The following ILDR2 variants were observed in gnomAD, a reference collection of about 807,000 sequenced individuals.
ILDR2 encodes the protein immunoglobulin-like domain-containing receptor 2.
In ILDR2, 25 loss-of-function variants were observed where a neutral mutation model predicts 66.8. The observed-to-expected ratio is 0.37, with a 90% CI of 0.27 to 0.52. The LOEUF is 0.52. Ranked by LOEUF, ILDR2 falls within the 20% of genes least tolerant of loss-of-function variation. The pLI is 0.88. For missense variants in ILDR2, 827 were observed against 876.8 expected, an observed-to-expected ratio of 0.94 and a Z score of 0.72; for synonymous variants, 367 against 357.2, an observed-to-expected ratio of 1.03 and a Z score of -0.31.
chr1:166,965,761 G>A (rs1255034664), intron 1 of ILDR2, among the ~76,000 whole-genome samples: 1 of 150,598 alleles, frequency 6.6e-6, no homozygotes, highest in African/African-American at 2.4e-5. Context: ...TTTTAGTAGA[G>A]GTGGGGTTTC....
chr1:166,945,029 G>C (rs180824186), intron 3 of ILDR2, among the ~76,000 whole-genome samples: 1 of 152,082 alleles, frequency 6.6e-6, no homozygotes, highest in East Asian at 1.9e-4. Context: ...CAATATGCAG[G>C]GTTTCTAGCT....
In ILDR2 at chr1:166,921,507, C is replaced by A; in HGVS notation, c.1212-128G>T. The A allele has an allele frequency of 1.3e-6, 1 of 753,074 alleles. No individual in the cohort carries two copies. Among genetic ancestry groups the A allele is most frequent in the Non-Finnish European group, 2.1e-6 (1 of 482,020 alleles). 46.6% of individuals were successfully genotyped at this position (753,074 alleles called of 1,614,324 possible). A position where few individuals can be genotyped will look rare whatever the true frequency, so the allele number is the denominator to read the frequency against. On this transcript the variant is annotated intron_variant, in intron 8 of 9. Coordinates refer to ENST00000271417, the MANE Select transcript of ILDR2 (RefSeq NM_199351.3). The surrounding 1 kb of genome is among the most constrained non-coding windows in gnomAD (Gnocchi z 5.3). ...CCTCGGCCTGAGCCTCAGCTCCGCT[C>A]CAGGCTGGATGAAGCATTCCAGGCT...
rs866768340 is a variant in ILDR2, at chr1:166,922,782, G to A, written c.1022C>T (p.Ser341Phe). 1 of 1,614,194 alleles carries A rather than the reference G, an allele frequency of 6.2e-7. No individual in the cohort carries two copies. Among genetic ancestry groups the A allele is most frequent in the Non-Finnish European group, 8.5e-7 (1 of 1,180,020 alleles). Residue 341 changes from serine (S) to phenylalanine (F), a missense_variant, in exon 8 of 10, where the codon TCC becomes TTC. Ser to Phe is a radical substitution (Grantham distance 155). Coordinates refer to ENST00000271417, the MANE Select transcript of ILDR2 (RefSeq NM_199351.3). ...RYNNTISELSSLHEEDSNFRQ... is the reference protein window; with the variant it reads ...RYNNTISELSFLHEEDSNFRQ... ...GAAATTGCTGTCCTCCTCATGTAGG[G>A]AGCTGAGTTCTGAGATGGTGTTGTT...
chr1:166,936,715 C>T lies in ILDR2; in HGVS notation c.579G>A (p.Val193=), dbSNP rs781430580. The change falls in exon 5 of 10, where the codon GTG becomes GTA. Residue 193 remains valine (V), a synonymous_variant. Coordinates refer to ENST00000271417, the MANE Select transcript of ILDR2 (RefSeq NM_199351.3). The surrounding 1 kb of genome is among the most constrained non-coding windows in gnomAD (Gnocchi z 5.0). ...IMPEWVFVGL[V]LLGVFLFFVL... ...CGAAGAAGAGGAAGACGCCCAGGAG[C>T]ACCAGGCCAACAAACACCCACTCTG... 6.2e-6 allele frequency: 10 copies of T among 1,614,128 alleles called. No homozygotes were observed. The highest frequency in any genetic ancestry group is 8.5e-6 in the Non-Finnish European group (10 of 1,180,006).
At position 166,912,174 on chromosome 1, in the gene ILDR2, T is replaced by C. The variant is rs1403276529; in HGVS notation, c.*7181A>G. On this transcript the variant is annotated 3_prime_UTR_variant, in exon 10 of 10. Transcript: ENST00000271417. ...AGGATAATTAAACTGGTAATTGACT[T>C]CTTAAAAGCAAAAATAAAAGTCAGA... 6.6e-6 allele frequency: 1 copy of C among 152,146 alleles called. No homozygotes were observed. The highest frequency in any genetic ancestry group is 1.5e-5 in the Non-Finnish European group (1 of 68,002). The allele number at this position is 152,146 out of a possible 1,614,324, so 9.4% of individuals were successfully genotyped here.
At position 166,936,230 on chromosome 1, in the gene ILDR2, A is replaced by G. The variant is rs552647427; in HGVS notation, c.703+361T>C. Among the ~76,000 whole-genome samples, 1 of 152,272 alleles carries G rather than the reference A, an allele frequency of 6.6e-6. No individual in the cohort carries two copies. Among genetic ancestry groups the G allele is most frequent in the African/African-American group, 2.4e-5 (1 of 41,536 alleles). On this transcript the variant is annotated intron_variant, in intron 5 of 9. Transcript: ENST00000271417. This position sits in a 1 kb window ranked among gnomAD's most constrained non-coding sequence, Gnocchi z 5.0. ...TAAAAAGGAACTTCTCTGCATGGGAAGGGAACGACCAGAGAAGGTTTCCTC... is the reference window on the plus strand; with the variant it reads ...TAAAAAGGAACTTCTCTGCATGGGAGGGGAACGACCAGAGAAGGTTTCCTC...
chr1:166,911,103 G>A lies in ILDR2; in HGVS notation c.*8252C>T, dbSNP rs1571259024. The A allele has an allele frequency of 1.3e-5, 2 of 152,148 alleles. No homozygotes were observed. The highest frequency in any genetic ancestry group is 4.8e-5 in the African/African-American group (2 of 41,494). The allele number at this position is 152,148 out of a possible 1,614,324, so 9.4% of individuals were successfully genotyped here. On this transcript the variant is annotated 3_prime_UTR_variant, in exon 10 of 10. Transcript: ENST00000271417. ...TGAAATCTACATCCATAATTTATTT[G>A]GCCACTCTTAACAATTAACAGCCTT...
chr1:166,967,249 G>A (rs1055177358), intron 1 of ILDR2, among the ~76,000 whole-genome samples: 1 of 152,206 alleles, frequency 6.6e-6, no homozygotes, highest in Non-Finnish European at 1.5e-5. Context: ...GCTATGAGCA[G>A]TCTCGGAAGC....
intron 3 of ILDR2, among the ~76,000 whole-genome samples, chr1:166,947,229 T>C (rs908718315): frequency 1.3e-5 from 2 of 152,140 alleles, no homozygotes. Flanking sequence ...GAAAGTGAGT[T>C]TCTTGGAGCC....
In ILDR2 at chr1:166,909,781, T is replaced by TATATATATAAATATATATAAATATA. The variant is rs1557921377; in HGVS notation, c.*9573_*9574insTATATTTATATATATTTATATATAT. The TATATATATAAATATATATAAATATA allele has an allele frequency of 4.7e-5, 3 of 64,246 alleles. No homozygotes were observed. The highest frequency in any genetic ancestry group is 6.9e-5 in the African/African-American group (1 of 14,428). 4.0% of individuals were successfully genotyped at this position (64,246 alleles called of 1,614,324 possible). A position where few individuals can be genotyped will look rare whatever the true frequency, so the allele number is the denominator to read the frequency against. ...TATAAATATATATAAATATATATAT[T>TATATATATAAATATATATAAATATA]TATATATATATATATATATATATAT... On this transcript the variant is annotated 3_prime_UTR_variant, in exon 10 of 10. Coordinates refer to ENST00000271417, the MANE Select transcript of ILDR2 (RefSeq NM_199351.3).
rs1659479936 is a variant in ILDR2 at position 166,911,769 on chromosome 1, G to A, written c.*7586C>T. 6.6e-6 allele frequency: 1 copy of A among 151,496 alleles called. No homozygotes were observed. Among genetic ancestry groups the A allele is most frequent in the Admixed American group, 6.6e-5 (1 of 15,212 alleles). 9.4% of individuals were successfully genotyped at this position (151,496 alleles called of 1,614,324 possible). ...TAATTAAAATTAAAACTCAAATAAA[G>A]GAGATTAGAGCTAGCTGAAAAGAAA... On this transcript the variant is annotated 3_prime_UTR_variant, in exon 10 of 10. Transcript: ENST00000271417.
chr1:166,956,762 T>C lies in ILDR2; in HGVS notation c.470A>G (p.Asn157Ser), dbSNP rs1662308097. 6.8e-6 allele frequency: 11 copies of C among 1,613,812 alleles called. No individual in the cohort carries two copies. The highest frequency in any genetic ancestry group is 1.1e-5 in the South Asian group (1 of 91,042). ...ITTPDDLEGKNEDSVELLVLG... is the reference protein window; with the variant it reads ...ITTPDDLEGKSEDSVELLVLG... ...CACCAGCAGTTCCACTGAGTCCTCATTTTTCCCCTCCAGGTCATCTGGGGT... is the reference window on the plus strand; with the variant it reads ...CACCAGCAGTTCCACTGAGTCCTCACTTTTCCCCTCCAGGTCATCTGGGGT... The change falls in exon 3 of 10, where the codon AAT (asparagine) becomes AGT (serine). Residue 157 changes from asparagine to serine, a missense_variant. Coordinates refer to ENST00000271417, the MANE Select transcript of ILDR2 (RefSeq NM_199351.3).
intron 1 of ILDR2, among the ~76,000 whole-genome samples, chr1:166,964,154 A>T (rs201511625): frequency 6.7e-6 from 1 of 149,484 alleles, no homozygotes; most frequent in Non-Finnish European, 1.5e-5. Context: ...AAAAAAAAAA[A>T]TTTAAGAATT....
In ILDR2 at chr1:166,975,053, A is replaced by C. The variant is rs1197358254; in HGVS notation, c.46+170T>G. Among the ~76,000 whole-genome samples the C allele has an allele frequency of 7.2e-6, 1 of 138,104 alleles. No individual in the cohort carries two copies. The highest frequency in any genetic ancestry group is 2.7e-5 in the African/African-American group (1 of 37,606). The allele number at this position is 138,104 out of a possible 152,430, so 90.6% of individuals were successfully genotyped here. On this transcript the variant is annotated intron_variant, in intron 1 of 9. Coordinates refer to ENST00000271417, the MANE Select transcript of ILDR2 (RefSeq NM_199351.3). The stretch of plus-strand genomic sequence containing the variant: ...TCTCTCTCTCACACACACACACACA[A>C]ACACATACACAAACACACACGTTGC...
At position 166,908,758 on chromosome 1, in the gene ILDR2, T is replaced by C. The variant is rs1659398785; in HGVS notation, c.*10597A>G. Reference sequence around the variant, plus strand: ...TTCTAAATTCAGAACGAGACAAGTATAACCAAGGACATTCACTGGTATATG... The same window carrying C: ...TTCTAAATTCAGAACGAGACAAGTACAACCAAGGACATTCACTGGTATATG... On this transcript the variant is annotated 3_prime_UTR_variant, in exon 10 of 10. Coordinates refer to ENST00000271417, the MANE Select transcript of ILDR2 (RefSeq NM_199351.3). 6.6e-6 allele frequency: 1 copy of C among 152,226 alleles called. No individual in the cohort carries two copies. Among genetic ancestry groups the C allele is most frequent in the South Asian group, 2.1e-4 (1 of 4,826 alleles). The allele number at this position is 152,226 out of a possible 1,614,324, so 9.4% of individuals were successfully genotyped here. A position where few individuals can be genotyped will look rare whatever the true frequency, so the allele number is the denominator to read the frequency against.
At chr1:166,963,182 T>C (rs1662726634) in intron 1 of ILDR2, among the ~76,000 whole-genome samples, 1 of 152,224 alleles carries the variant, frequency 6.6e-6, no homozygotes, top group South Asian at 2.1e-4. Flanking sequence ...TAAATATCTC[T>C]CAACTTTGAT....
intron 6 of ILDR2, among the ~76,000 whole-genome samples, chr1:166,931,447 A>T (rs1255779808): frequency 6.6e-6 from 1 of 152,242 alleles, no homozygotes; most frequent in African/African-American, 2.4e-5. Context: ...GTATACATAC[A>T]GTAGGCATAT....
At chr1:166,955,685 C>G (rs1662238351) in intron 3 of ILDR2, among the ~76,000 whole-genome samples, 1 of 151,962 alleles carries the variant, frequency 6.6e-6, no homozygotes, top group South Asian at 2.1e-4. Context: ...GTTGTTTTGC[C>G]AAAGTCACAC....
In ILDR2 at chr1:166,914,794, C is replaced by G. The variant is rs186601898; in HGVS notation, c.*4561G>C. 1.3e-5 allele frequency: 2 copies of G among 152,160 alleles called. No homozygotes were observed. Among genetic ancestry groups the G allele is most frequent in the Non-Finnish European group, 2.9e-5 (2 of 68,026 alleles). 9.4% of individuals were successfully genotyped at this position (152,160 alleles called of 1,614,324 possible). A position where few individuals can be genotyped will look rare whatever the true frequency, so the allele number is the denominator to read the frequency against. On this transcript the variant is annotated 3_prime_UTR_variant, in exon 10 of 10. Transcript: ENST00000271417. Reference sequence around the variant, plus strand: ...TCTAGGACTTTATGTAGCTGGCCCCCTATTTTAGTGAATTTGGATTTCTAC... The same window carrying G: ...TCTAGGACTTTATGTAGCTGGCCCCGTATTTTAGTGAATTTGGATTTCTAC...
Sources: gnomAD v4.1 joint callset for allele counts (sites outside exome capture counted in the v4.1 genomes callset) on GRCh38, gnomAD v4.1.1 for gene constraint, Gnocchi (gnomAD v3.1) non-coding constraint, MANE v1.5 for transcripts, NCBI Gene and HGNC (gene_info 2026-07-23, HGNC 2026-07-21) for gene names.